RDX: variants seen among roughly 807,000 people sequenced by gnomAD.
RDX encodes deafness, autosomal recessive 24.
RDX carries 32 observed loss-of-function variants against 83.7 expected under a neutral mutation model. The ratio of observed to expected loss-of-function variants is 0.38; its 90% CI spans 0.29 to 0.51. The LOEUF is 0.51. RDX is among the 20% of genes least tolerant of loss of function. The pLI, the probability that RDX is intolerant of heterozygous loss-of-function variation, is 0.87. For synonymous variants in RDX, 229 were observed against 222.7 expected, an observed-to-expected ratio of 1.03 and a Z score of -0.25; for missense variants, 600 against 689.9, an observed-to-expected ratio of 0.87 and a Z score of 1.46.
chr11:110,231,514 T>C lies in RDX; in HGVS notation c.*355A>G. On this transcript the variant is annotated 3_prime_UTR_variant, in exon 14 of 14. Coordinates refer to ENST00000645495, the MANE Select transcript of RDX (RefSeq NM_002906.4). ...AGGGCAAGGGAAACCCATTAAAATG[T>C]TCACCATTATCCTTTAAAATGTACA... is the stretch of plus-strand genomic sequence containing the variant. The C allele has an allele frequency of 3.6e-6, 1 of 278,694 alleles. No individual in the cohort carries two copies. Among genetic ancestry groups the C allele is most frequent in the Non-Finnish European group, 7.0e-6 (1 of 143,364 alleles). The allele number at this position is 278,694 out of a possible 1,614,324, so 17.3% of individuals were successfully genotyped here.
At chr11:110,273,028 A>C (rs1023940903) in intron 2 of RDX, 2 of 456,312 alleles carry the variant, frequency 4.4e-6, no homozygotes, top group Admixed American at 4.7e-5. Context: ...GGAGTTTGAG[A>C]CCAGCCTGGG....
chr11:110,205,238 T>G (rs1020159838), intron 14 of RDX, among the ~76,000 whole-genome samples: 2 of 152,120 alleles, frequency 1.3e-5, no homozygotes, highest in Non-Finnish European at 2.9e-5. Flanking sequence ...ACAAAAGTTA[T>G]TTATAGCTGG....
intron 15 of RDX, among the ~76,000 whole-genome samples, chr11:110,182,851 C>T (rs564562560): frequency 4.2e-4 from 64 of 152,234 alleles, no homozygotes; most frequent in Non-Finnish European, 7.2e-4. Flanking sequence ...GAGTTCTGAG[C>T]GTCTACGGAT....
intron 15 of RDX, among the ~76,000 whole-genome samples, chr11:110,179,136 T>A (rs541954855): frequency 7.2e-5 from 11 of 152,160 alleles, no homozygotes; most frequent in Non-Finnish European, 1.0e-4. Flanking sequence ...CCAGGAGAAC[T>A]CATCCAAGGT....
chr11:110,272,653 G>T, intron 2 of RDX, 34 bp from the exon 3 acceptor site: 2 of 1,424,438 alleles, frequency 1.4e-6, no homozygotes, highest in Non-Finnish European at 9.8e-7. Context: ...ATAAGTAGAA[G>T]AGAAGTTATT....
rs1327479139 is a variant in RDX at position 110,244,063 on chromosome 11, TA to T, written c.1090+3639del. The stretch of plus-strand genomic sequence containing the variant: ...CAAAAACCTACACAATGAATGTTCA[TA>T]ACAGCATTAGTCACCTTAGTCAAAT... On this transcript the variant is annotated intron_variant, in intron 10 of 13. Coordinates refer to ENST00000645495, the MANE Select transcript of RDX (RefSeq NM_002906.4). 5.9e-5 allele frequency among the ~76,000 whole-genome samples: 9 copies of T among 152,214 alleles called. No individual in the cohort carries two copies. The East Asian group carries it at 1.5e-3, about 26-fold the overall frequency.
chr11:110,262,690 T>C (rs530761806), intron 5 of RDX, among the ~76,000 whole-genome samples: 2 of 152,300 alleles, frequency 1.3e-5, no homozygotes, highest in African/African-American at 4.8e-5. Flanking sequence ...ATTAAAACTG[T>C]AAATCATATA....
At chr11:110,208,005 A>G (rs761060362) in intron 14 of RDX, among the ~76,000 whole-genome samples, 6 of 147,728 alleles carry the variant, frequency 4.1e-5, no homozygotes, top group Non-Finnish European at 7.4e-5. Flanking sequence ...TTTTTTTTTA[A>G]TAGAGACGGG....
At chr11:110,201,903 T>TG (rs1863419936) in intron 14 of RDX, among the ~76,000 whole-genome samples, 1 of 137,220 alleles carries the variant, frequency 7.3e-6, no homozygotes, top group Non-Finnish European at 1.6e-5. Context: ...CCGGCTAATT[T>TG]TGTGTGTGTG....
At chr11:110,199,966 G>A (rs1863346058) in intron 14 of RDX, among the ~76,000 whole-genome samples, 1 of 152,128 alleles carries the variant, frequency 6.6e-6, no homozygotes, top group South Asian at 2.1e-4. Context: ...CTCTACACAA[G>A]CTAACTAGTC....
chr11:110,255,253 A>G (rs779252545), intron 8 of RDX, 36 bp downstream of exon 8: 1 of 1,069,478 alleles, frequency 9.4e-7, no homozygotes. Flanking sequence ...CAGATATTAA[A>G]CAGTTAATAC....
chr11:110,251,809 T>A (rs1011705782), intron 9 of RDX, among the ~76,000 whole-genome samples: 1 of 152,194 alleles, frequency 6.6e-6, no homozygotes, highest in Non-Finnish European at 1.5e-5. Flanking sequence ...TCATTTTCAT[T>A]GCCAAAAAAC....
chr11:110,287,009 T>C (rs1305939540), intron 1 of RDX: 3 of 152,206 alleles, frequency 2.0e-5, no homozygotes, highest in South Asian at 4.1e-4. Flanking sequence ...CCTTGAGTAA[T>C]ATATATGCTT....
At position 110,255,981 on chromosome 11, in the gene RDX, G is replaced by A. The variant is rs544161841; in HGVS notation, c.699-596C>T. On this transcript the variant is annotated intron_variant, in intron 7 of 13. Transcript: ENST00000645495. ...TACATAAATATTTGGATAAATGATA[G>A]AGATGGAATTCAAACTCTTGAGACT... Among the ~76,000 whole-genome samples the A allele has an allele frequency of 4.6e-5, 7 of 152,250 alleles. No individual in the cohort carries two copies. In the South Asian group the frequency reaches 1.5e-3, roughly 32 times the overall value.
At chr11:110,240,927 G>T (rs1011057097) in intron 10 of RDX, among the ~76,000 whole-genome samples, 10 of 150,234 alleles carry the variant, frequency 6.7e-5, no homozygotes, top group Non-Finnish European at 1.3e-4. Context: ...GTGGTGGCGG[G>T]CGCCTGTAAC....
intron 11 of RDX, chr11:110,236,697 C>T (rs570366001): frequency 9.1e-4 from 145 of 159,412 alleles, no homozygotes; most frequent in Non-Finnish European, 1.7e-3. Flanking sequence ...CTCAGCTCAC[C>T]GCAACCTCCG....
intron 15 of RDX, among the ~76,000 whole-genome samples, chr11:110,190,432 T>C (rs1388550635): frequency 6.6e-6 from 1 of 152,174 alleles, no homozygotes; most frequent in Non-Finnish European, 1.5e-5. Context: ...TCAGCCCAGG[T>C]GATAGAGAGC....
chr11:110,194,272 T>G (rs1334990738), intron 15 of RDX, among the ~76,000 whole-genome samples: 1 of 152,196 alleles, frequency 6.6e-6, no homozygotes, highest in Non-Finnish European at 1.5e-5. Flanking sequence ...TAGGCTGGAG[T>G]GCAGTGGCGC....
At position 110,247,552 on chromosome 11, in the gene RDX, TATG is replaced by T. The variant is rs1359334350; in HGVS notation, c.1090+148_1090+150del. 3.7e-5 allele frequency: 27 copies of T among 727,258 alleles called. No homozygotes were observed. In the African/African-American group the frequency reaches 4.6e-4, roughly 12 times the overall value. 45.1% of individuals were successfully genotyped at this position (727,258 alleles called of 1,614,324 possible). ...TGAATGTGCCTTAGTGAAACATGTT[TATG>T]ATGTGATTCCACTAAGTATTAATTT... On this transcript the variant is annotated intron_variant, in intron 10 of 13. Coordinates refer to ENST00000645495, the MANE Select transcript of RDX (RefSeq NM_002906.4).
Sources: allele counts gnomAD v4.1 joint callset (sites outside exome capture counted in the v4.1 genomes callset), GRCh38; gene constraint gnomAD v4.1.1; transcripts MANE v1.5; gene names NCBI Gene and HGNC (gene_info 2026-07-23, HGNC 2026-07-21).